NRG1: variants seen among roughly 807,000 people sequenced by gnomAD.
The protein encoded by NRG1 is neuregulin 1, also known as pro-neuregulin-1, membrane-bound isoform.
In NRG1, 18 loss-of-function variants were observed where a neutral mutation model predicts 63.8. That is an observed-to-expected ratio of 0.28 (90% confidence interval 0.19 to 0.42). The LOEUF (loss-of-function observed/expected upper bound fraction) is 0.42. Ranked by LOEUF, NRG1 falls within the 10% of genes least tolerant of loss-of-function variation. The probability of loss-of-function intolerance (pLI) is 1.00; values close to 1 mark genes in which losing one functional copy is unlikely to be tolerated. For synonymous variants in NRG1, 302 were observed against 301.3 expected (o/e 1.00, Z -0.02); for missense variants, 762 against 814.7 (o/e 0.94, Z 0.79).
At chr8:32,176,186 C>T (rs1010873296) in intron 1 of NRG1, among the ~76,000 whole-genome samples, 19 of 152,150 alleles carry the variant, frequency 1.2e-4, no homozygotes, top group Admixed American at 2.6e-4. Flanking sequence ...TATCTACAAC[C>T]ATCTGATCTT....
intron 1 of NRG1, among the ~76,000 whole-genome samples, chr8:32,357,574 T>C (rs56203752): frequency 0.056 from 8,574 of 152,292 alleles, 317 homozygotes; most frequent in Middle Eastern, 0.099. Context: ...AAGATCTAAT[T>C]TGACATGATT....
intron 1 of NRG1, among the ~76,000 whole-genome samples, chr8:32,178,237 T>G (rs1563876446): frequency 6.6e-6 from 1 of 152,136 alleles, no homozygotes; most frequent in Non-Finnish European, 1.5e-5. Context: ...GATCAGTTAA[T>G]AGTCTTCTAT....
chr8:31,836,578 C>A (rs578070478), intron 1 of NRG1, among the ~76,000 whole-genome samples: 1 of 152,024 alleles, frequency 6.6e-6, no homozygotes, highest in African/African-American at 2.4e-5. Flanking sequence ...CATATTTTTG[C>A]ATTAAACTTA....
intron 1 of NRG1, among the ~76,000 whole-genome samples, chr8:32,121,057 A>T (rs1208921946): frequency 6.6e-6 from 1 of 151,868 alleles, no homozygotes. Flanking sequence ...CACAGAAGGG[A>T]TGCAGTGGTT....
intron 3 of NRG1, chr8:32,614,236 C>T (rs1383973299): frequency 6.6e-6 from 2 of 302,540 alleles, no homozygotes; most frequent in Admixed American, 9.7e-5. Context: ...GCCTCTTTGA[C>T]ATAAATTCTT....
intron 1 of NRG1, among the ~76,000 whole-genome samples, chr8:32,336,391 C>T (rs899103052): frequency 1.3e-5 from 2 of 151,910 alleles, no homozygotes; most frequent in African/African-American, 2.4e-5. Context: ...CTAGTGAGGT[C>T]GTTTCCAAAA....
At chr8:31,961,301 C>A (rs1805413057) in intron 1 of NRG1, among the ~76,000 whole-genome samples, 1 of 152,072 alleles carries the variant, frequency 6.6e-6, no homozygotes, top group African/African-American at 2.4e-5. Flanking sequence ...CCTATTAGAT[C>A]CTAGCAAAGA....
At chr8:31,998,240 G>A (rs1162513649) in intron 1 of NRG1, among the ~76,000 whole-genome samples, 2 of 151,974 alleles carry the variant, frequency 1.3e-5, no homozygotes, top group Non-Finnish European at 2.9e-5. Flanking sequence ...TTGCCATAAA[G>A]ATATAAGTCT....
chr8:32,102,330 G>GT (rs1830682851), intron 1 of NRG1, among the ~76,000 whole-genome samples: 1 of 152,070 alleles, frequency 6.6e-6, no homozygotes, highest in South Asian at 2.1e-4. Flanking sequence ...TAGAGTTGGG[G>GT]TTTTGCTATG....
At chr8:32,472,961 G>A (rs779210420) in intron 1 of NRG1, among the ~76,000 whole-genome samples, 126 of 152,148 alleles carry the variant, frequency 8.3e-4, no homozygotes, top group Non-Finnish European at 1.5e-3. Flanking sequence ...TATGTGTTTT[G>A]ACCTTTTGCT....
At chr8:32,614,706 T>C in intron 4 of NRG1, 142 bp downstream of exon 4, 1 of 758,736 alleles carries the variant, frequency 1.3e-6, no homozygotes, top group South Asian at 1.9e-5. Context: ...TTCTCAACCT[T>C]GTTCTGTCTT....
intron 7 of NRG1, chr8:32,749,246 C>CCATT (rs1233379058): frequency 2.8e-6 from 1 of 351,276 alleles, no homozygotes; most frequent in African/African-American, 2.1e-5. Context: ...GATAATCTTT[C>CCATT]CATTCCCACA....
intron 1 of NRG1, among the ~76,000 whole-genome samples, chr8:31,839,113 GAGGTCTCCAT>G (rs1427088192): frequency 6.6e-6 from 1 of 152,254 alleles, no homozygotes; most frequent in Admixed American, 6.5e-5. Context: ...ATAATAATTT[GAGGTCTCCAT>G]AGGTTTATTA....
Position 31,727,175 on chromosome 8 carries a change from A to G in NRG1, c.37+87744A>G, listed in dbSNP as rs76567037. Among the ~76,000 whole-genome samples the G allele has an allele frequency of 2.3e-3, 346 of 152,312 alleles. 1 individual carries two copies. The highest frequency in any genetic ancestry group is 2.5e-3 in the Non-Finnish European group (169 of 68,028). ...GTTCCCTACATTTAAGGAGCTTACC[A>G]TCTAGTGGGACTCAGATATGTAAAT... On this transcript the variant is annotated intron_variant, in intron 1 of 10. Coordinates refer to the NRG1 transcript ENST00000519301.
chr8:32,417,776 T>C (rs1227793774), intron 1 of NRG1, among the ~76,000 whole-genome samples: 2 of 152,184 alleles, frequency 1.3e-5, no homozygotes, highest in Non-Finnish European at 2.9e-5. Flanking sequence ...ATCATTTAGC[T>C]TAAGAGTTAA....
At chr8:31,674,861 G>A (rs561479371) in intron 1 of NRG1, among the ~76,000 whole-genome samples, 1 of 152,312 alleles carries the variant, frequency 6.6e-6, no homozygotes, top group East Asian at 1.9e-4. Flanking sequence ...ATGAAGGGGG[G>A]AATGTAGGTC....
chr8:31,884,549 A>G (rs1030018794), intron 1 of NRG1, among the ~76,000 whole-genome samples: 1 of 151,592 alleles, frequency 6.6e-6, no homozygotes, highest in Non-Finnish European at 1.5e-5. Context: ...CAATGTGACC[A>G]CTCCCTTTTT....
intron 1 of NRG1, among the ~76,000 whole-genome samples, chr8:32,329,533 G>A (rs1802396346): frequency 6.6e-6 from 1 of 152,182 alleles, no homozygotes; most frequent in Non-Finnish European, 1.5e-5. Flanking sequence ...ATTGATAAAT[G>A]AGTCATTGAC....
intron 1 of NRG1, among the ~76,000 whole-genome samples, chr8:31,974,968 G>C (rs1807917025): frequency 6.6e-6 from 1 of 152,116 alleles, no homozygotes; most frequent in Admixed American, 6.5e-5. Context: ...CCTGACAGTT[G>C]GATGAAAAAT....
Sources: gnomAD v4.1 joint callset for allele counts (sites outside exome capture counted in the v4.1 genomes callset) on GRCh38, gnomAD v4.1.1 for gene constraint, MANE v1.5 for transcripts, NCBI Gene and HGNC (gene_info 2026-07-23, HGNC 2026-07-21) for gene names.